Variants in CSMD1 observed in about 807,000 individuals in gnomAD.
The protein encoded by CSMD1 is CUB and sushi domain-containing protein 1.
CSMD1 carries 213 observed loss-of-function variants against 417.5 expected under a neutral mutation model. The observed-to-expected ratio is 0.51, with a 90% confidence interval of 0.46 to 0.57. The LOEUF is 0.57. Among genes scored for constraint, CSMD1 ranks in the 20% least tolerant of loss-of-function variants. The pLI is 0.00. For missense variants in CSMD1, 6,923 were observed against 4,529.7 expected (o/e 1.53, Z -15.17); for synonymous variants, 2,862 against 1,736.8 (o/e 1.65, Z -16.11).
At chr8:4,258,229 G>A (rs1272977394) in intron 3 of CSMD1, among the ~76,000 whole-genome samples, 1 of 148,218 alleles carries the variant, frequency 6.7e-6, no homozygotes, top group Non-Finnish European at 1.5e-5. Context: ...AAAGGCATGA[G>A]CCAGCACACC....
intron 49 of CSMD1, among the ~76,000 whole-genome samples, chr8:3,068,505 C>T (rs141313704): frequency 6.6e-6 from 1 of 152,286 alleles, no homozygotes; most frequent in East Asian, 1.9e-4. Flanking sequence ...TTAGGCCATT[C>T]TCGCATTGCT....
chr8:3,393,135 A>G (rs1288321655), intron 17 of CSMD1, among the ~76,000 whole-genome samples: 1 of 152,176 alleles, frequency 6.6e-6, no homozygotes. Context: ...CTGAGGTCCT[A>G]TTTCTCCCTT....
intron 12 of CSMD1, among the ~76,000 whole-genome samples, chr8:3,411,254 A>T (rs73657844): frequency 0.1 from 15,163 of 152,108 alleles, 937 homozygotes; most frequent in East Asian, 0.26. Context: ...CCAAAAGTGC[A>T]TTGGTTTTAC....
At chr8:3,884,745 G>T (rs1041471713) in intron 5 of CSMD1, among the ~76,000 whole-genome samples, 1 of 152,006 alleles carries the variant, frequency 6.6e-6, no homozygotes, top group African/African-American at 2.4e-5. Context: ...TATAAAACCT[G>T]TGAGTAAATA....
At chr8:3,379,207 T>C (rs1810487441) in intron 18 of CSMD1, among the ~76,000 whole-genome samples, 1 of 152,158 alleles carries the variant, frequency 6.6e-6, no homozygotes, top group South Asian at 2.1e-4. Context: ...GAAGGATCTC[T>C]TCAAGGAGAA....
intron 41 of CSMD1, among the ~76,000 whole-genome samples, chr8:3,136,284 T>C (rs1178135749): frequency 1.4e-5 from 2 of 144,276 alleles, no homozygotes; most frequent in Non-Finnish European, 3.0e-5. Flanking sequence ...CGAGATAGAG[T>C]TTCGCTCTGT....
Position 4,960,047 on chromosome 8 carries a change from C to T in CSMD1, c.85+34285G>A, listed in dbSNP as rs1809377094. 2.0e-5 allele frequency among the ~76,000 whole-genome samples: 3 copies of T among 152,166 alleles called. No individual in the cohort carries two copies. The South Asian group carries it at 6.2e-4, about 31-fold the overall frequency. On this transcript the variant is annotated intron_variant, in intron 1 of 69. Transcript: ENST00000635120. ...AAGGCATATGTAGCCTTCACAGTTA[C>T]TCAGAACAGTGCCTTACCACCATTG...
chr8:4,250,894 A>G (rs1199270690), intron 3 of CSMD1, among the ~76,000 whole-genome samples: 1 of 152,162 alleles, frequency 6.6e-6, no homozygotes, highest in Non-Finnish European at 1.5e-5. Context: ...TGAAAAGAGC[A>G]CCTCTTAAAC....
chr8:4,905,822 A>AG (rs1162554701), intron 1 of CSMD1, among the ~76,000 whole-genome samples: 1 of 146,282 alleles, frequency 6.8e-6, no homozygotes, highest in Non-Finnish European at 1.5e-5. Flanking sequence ...TCCATCTCAA[A>AG]AAAAAAAAAA....
At chr8:4,578,271 C>G (rs1799233459) in intron 2 of CSMD1, among the ~76,000 whole-genome samples, 1 of 150,864 alleles carries the variant, frequency 6.6e-6, no homozygotes, top group South Asian at 2.1e-4. Context: ...CGCCATTCTC[C>G]TGCCTCAGCC....
intron 2 of CSMD1, among the ~76,000 whole-genome samples, chr8:4,438,839 G>A (rs192047459): frequency 6.6e-6 from 1 of 152,292 alleles, no homozygotes; most frequent in African/African-American, 2.4e-5. Flanking sequence ...AAATTGAAAG[G>A]TGTATTATCT....
chr8:3,397,546 C>T (rs1227007282), intron 16 of CSMD1, among the ~76,000 whole-genome samples: 1 of 152,176 alleles, frequency 6.6e-6, no homozygotes, highest in African/African-American at 2.4e-5. Flanking sequence ...CAGAATAAGG[C>T]CACAGGCTGC....
intron 2 of CSMD1, among the ~76,000 whole-genome samples, chr8:4,564,447 T>A (rs1264354731): frequency 6.6e-6 from 1 of 152,198 alleles, no homozygotes; most frequent in Non-Finnish European, 1.5e-5. Context: ...GGGGATCTAG[T>A]GTCTGGTGAG....
intron 3 of CSMD1, among the ~76,000 whole-genome samples, chr8:4,343,390 G>A (rs888057015): frequency 6.6e-6 from 1 of 152,006 alleles, no homozygotes; most frequent in Non-Finnish European, 1.5e-5. Context: ...CTTGCTAAGA[G>A]AGCTGACCTT....
chr8:4,235,379 G>GT (rs1272758912), intron 3 of CSMD1, among the ~76,000 whole-genome samples: 2 of 147,344 alleles, frequency 1.4e-5, no homozygotes, highest in African/African-American at 5.0e-5. Flanking sequence ...TTGTTTGTTT[G>GT]TTTTTTGTTT....
intron 1 of CSMD1, among the ~76,000 whole-genome samples, chr8:4,671,682 A>G (rs1805339398): frequency 6.6e-6 from 1 of 152,036 alleles, no homozygotes; most frequent in Non-Finnish European, 1.5e-5. Flanking sequence ...CAGTTTATAG[A>G]TTTATTTTTT....
intron 6 of CSMD1, among the ~76,000 whole-genome samples, chr8:3,743,553 T>G (rs1015894754): frequency 6.6e-6 from 1 of 152,120 alleles, no homozygotes; most frequent in Non-Finnish European, 1.5e-5. Context: ...GAAAGAAAAT[T>G]AAATCTTGGG....
At chr8:3,284,938 A>G (rs945482182) in intron 25 of CSMD1, among the ~76,000 whole-genome samples, 12 of 152,226 alleles carry the variant, frequency 7.9e-5, no homozygotes, top group African/African-American at 2.7e-4. Flanking sequence ...TCCCTTCTTT[A>G]TAAAATTTTA....
At chr8:3,106,664 C>A in intron 45 of CSMD1, 23 bp from the exon 46 acceptor site, 1 of 1,488,448 alleles carries the variant, frequency 6.7e-7, no homozygotes. Flanking sequence ...ATGCAACAAA[C>A]CAGGAAATTG....
Sources: gnomAD v4.1 joint callset for allele counts (sites outside exome capture counted in the v4.1 genomes callset) on GRCh38, gnomAD v4.1.1 for gene constraint, MANE v1.5 for transcripts, NCBI Gene and HGNC (gene_info 2026-07-23, HGNC 2026-07-21) for gene names.